The following SLC25A21 variants were observed in gnomAD, a reference collection of about 807,000 sequenced individuals.
SLC25A21 encodes the protein mitochondrial 2-oxodicarboxylate carrier.
In SLC25A21, 47 loss-of-function variants were observed where a neutral mutation model predicts 43.8. The observed-to-expected ratio is 1.07, with a 90% confidence interval of 0.85 to 1.37. The LOEUF (loss-of-function observed/expected upper bound fraction) is 1.37, where lower values mean the gene tolerates loss of function less well. Ranked by LOEUF, SLC25A21 falls within the 40% of genes most tolerant of loss-of-function variation. The pLI is 0.00. For missense variants in SLC25A21, 352 were observed against 350.2 expected, an observed-to-expected ratio of 1.00 and a Z score of -0.04; for synonymous variants, 131 against 121.3, an observed-to-expected ratio of 1.08 and a Z score of -0.52.
At chr14:36,959,738 C>CCAA (rs1192675792) in intron 1 of SLC25A21, among the ~76,000 whole-genome samples, 1 of 152,194 alleles carries the variant, frequency 6.6e-6, no homozygotes, top group Non-Finnish European at 1.5e-5. Context: ...GGTAAACAGA[C>CCAA]CAACACATGT....
At chr14:37,000,833 A>C (rs1295140092) in intron 1 of SLC25A21, among the ~76,000 whole-genome samples, 1 of 152,112 alleles carries the variant, frequency 6.6e-6, no homozygotes, top group Non-Finnish European at 1.5e-5. Flanking sequence ...CATGTGAAGA[A>C]GGTGCTTGCT....
chr14:36,685,386 T>G (rs1882490357), intron 7 of SLC25A21, among the ~76,000 whole-genome samples: 1 of 152,224 alleles, frequency 6.6e-6, no homozygotes, highest in South Asian at 2.1e-4. Context: ...TCAAGGCTAC[T>G]CGCGGTCTGC....
At chr14:37,090,086 A>C (rs1962556615) in intron 1 of SLC25A21, among the ~76,000 whole-genome samples, 3 of 152,336 alleles carry the variant, frequency 2.0e-5, no homozygotes, top group Middle Eastern at 6.8e-3. Flanking sequence ...TAGAAATATA[A>C]ACAAACTGTC....
intron 4 of SLC25A21, 46 bp downstream of exon 4, chr14:36,734,461 T>G (rs1292385998): frequency 1.4e-6 from 2 of 1,472,800 alleles, no homozygotes; most frequent in Admixed American, 3.7e-5. Flanking sequence ...GCTGAAGCTG[T>G]TACTGTGCCC....
intron 2 of SLC25A21, among the ~76,000 whole-genome samples, chr14:36,873,727 G>T (rs1890440884): frequency 6.6e-6 from 1 of 152,148 alleles, no homozygotes; most frequent in Non-Finnish European, 1.5e-5. Context: ...AGGTCTTTGG[G>T]GGGTGATTAG....
chr14:36,725,668 T>C lies in SLC25A21; in HGVS notation c.340A>G (p.Ile114Val), dbSNP rs772009304. 3.9e-5 allele frequency: 62 copies of C among 1,595,180 alleles called. No individual in the cohort carries two copies. The highest frequency in any genetic ancestry group is 1.8e-4 in the East Asian group (8 of 43,858). Residue 114 changes from isoleucine to valine, a missense_variant, in exon 6 of 10, where the codon ATT becomes GTT. Coordinates refer to ENST00000331299, the MANE Select transcript of SLC25A21 (RefSeq NM_030631.4). ...VSLSPALTFA[I>V]AGLGSGLTEA... ...GTTAGTCCAGATCCCAATCCAGCAA[T>C]GGCGAATGTCTAGAAAAATTAAATC...
At chr14:36,692,830 C>A (rs756923983) in intron 7 of SLC25A21, among the ~76,000 whole-genome samples, 2 of 152,214 alleles carry the variant, frequency 1.3e-5, no homozygotes, top group African/African-American at 2.4e-5. Context: ...TTGGAATCTT[C>A]CCACCTCATG....
At chr14:36,896,974 T>C (rs1169819253) in intron 1 of SLC25A21, among the ~76,000 whole-genome samples, 1 of 152,184 alleles carries the variant, frequency 6.6e-6, no homozygotes, top group African/African-American at 2.4e-5. Flanking sequence ...CCTTAACATT[T>C]TTTACTTCAT....
chr14:36,906,904 C>T (rs1891551162), intron 1 of SLC25A21, among the ~76,000 whole-genome samples: 1 of 152,122 alleles, frequency 6.6e-6, no homozygotes. Flanking sequence ...AAAGCCATTG[C>T]AGTTTGTATG....
intron 1 of SLC25A21, among the ~76,000 whole-genome samples, chr14:36,963,236 T>G (rs1246818984): frequency 1.3e-5 from 2 of 152,064 alleles, no homozygotes; most frequent in Non-Finnish European, 2.9e-5. Flanking sequence ...AAAAAGCCAT[T>G]AAGCTTATTG....
chr14:36,902,481 G>A lies in SLC25A21; in HGVS notation c.71-27477C>T, dbSNP rs567007053. Among the ~76,000 whole-genome samples, 15 of 152,072 alleles carry A rather than the reference G, an allele frequency of 9.9e-5. No individual in the cohort carries two copies. In the South Asian group the frequency reaches 3.1e-3, roughly 32 times the overall value. Reference sequence around the variant, plus strand: ...CACACACACGAACTCTGAAAATCTGGGTTTGAGTTTTGTATCAAGTTTCAC... The same window carrying A: ...CACACACACGAACTCTGAAAATCTGAGTTTGAGTTTTGTATCAAGTTTCAC... On this transcript the variant is annotated intron_variant, in intron 1 of 9. Transcript: ENST00000331299.
chr14:37,142,860 G>A (rs568510180), intron 1 of SLC25A21, among the ~76,000 whole-genome samples: 9 of 152,326 alleles, frequency 5.9e-5, no homozygotes, highest in Admixed American at 5.2e-4. Flanking sequence ...CAGTCTAGCT[G>A]GATACCTCTC....
intron 3 of SLC25A21, among the ~76,000 whole-genome samples, chr14:36,742,632 C>G (rs972185427): frequency 6.6e-6 from 1 of 152,102 alleles, no homozygotes; most frequent in Non-Finnish European, 1.5e-5. Flanking sequence ...GGAGGAAAAA[C>G]AGTTCAAAAG....
At chr14:36,781,367 T>C (rs947758030) in intron 3 of SLC25A21, among the ~76,000 whole-genome samples, 1 of 152,154 alleles carries the variant, frequency 6.6e-6, no homozygotes, top group African/African-American at 2.4e-5. Flanking sequence ...ACTACTGCCA[T>C]TTTGTTGTTT....
At chr14:36,888,029 GC>G (rs1890971944) in intron 1 of SLC25A21, among the ~76,000 whole-genome samples, 2 of 152,054 alleles carry the variant, frequency 1.3e-5, no homozygotes, top group Admixed American at 1.3e-4. Flanking sequence ...CTCAAAATTG[GC>G]CATGGTGGGA....
chr14:37,009,113 C>A (rs1201860393), intron 1 of SLC25A21, among the ~76,000 whole-genome samples: 2 of 152,182 alleles, frequency 1.3e-5, no homozygotes, highest in African/African-American at 4.8e-5. Context: ...TATTCTTAAT[C>A]TCACATCATC....
At chr14:37,060,410 T>TAATAATAAC (rs1464353226) in intron 1 of SLC25A21, among the ~76,000 whole-genome samples, 3 of 147,756 alleles carry the variant, frequency 2.0e-5, no homozygotes, top group South Asian at 4.2e-4. Context: ...ATAATAATAA[T>TAATAATAAC]AATAATAATA....
intron 1 of SLC25A21, among the ~76,000 whole-genome samples, chr14:36,897,271 C>T (rs1450220440): frequency 2.6e-5 from 4 of 152,092 alleles, no homozygotes; most frequent in African/African-American, 7.2e-5. Context: ...CTTCTCTTCT[C>T]GCTTCTTTTC....
intron 5 of SLC25A21, among the ~76,000 whole-genome samples, chr14:36,729,033 TG>T (rs1884712268): frequency 6.6e-6 from 1 of 152,242 alleles, no homozygotes; most frequent in African/African-American, 2.4e-5. Flanking sequence ...TTAGCTGAGT[TG>T]TTTACAGTCA....
Sources: allele counts gnomAD v4.1 joint callset (sites outside exome capture counted in the v4.1 genomes callset), GRCh38; gene constraint gnomAD v4.1.1; transcripts MANE v1.5; gene names NCBI Gene and HGNC (gene_info 2026-07-23, HGNC 2026-07-21).